Variants in NEK6 observed in about 807,000 individuals in gnomAD.
NEK6 encodes serine/threonine-protein kinase Nek6.
NEK6 carries 27 observed loss-of-function variants against 43.5 expected under a neutral mutation model. The observed-to-expected ratio is 0.62, with a 90% CI of 0.46 to 0.86. The LOEUF is 0.86. Ranked by LOEUF, NEK6 falls within the 40% of genes least tolerant of loss-of-function variation. The pLI is 0.00. For missense variants in NEK6, 318 were observed against 414.4 expected (o/e 0.77, Z 2.02); for synonymous variants, 167 against 164.1 (o/e 1.02, Z -0.14).
At chr9:124,350,724 G>A (rs903187450) in intron 9 of NEK6, 113 bp from the exon 10 acceptor site, 14 of 760,676 alleles carry the variant, frequency 1.8e-5, no homozygotes, top group Admixed American at 6.0e-5. Context: ...CGGGGACAAC[G>A]GGACCATCTA....
intron 7 of NEK6, among the ~76,000 whole-genome samples, chr9:124,332,083 G>A (rs1385517061): frequency 2.0e-5 from 3 of 152,244 alleles, no homozygotes; most frequent in African/African-American, 2.4e-5. Context: ...GATGCCAAGA[G>A]GGGAGGGAAG....
chr9:124,259,253 G>T (rs2282084), intron 1 of NEK6: 2 of 152,024 alleles, frequency 1.3e-5, no homozygotes, highest in Non-Finnish European at 2.9e-5. Flanking sequence ...TCCCTAGTTG[G>T]TCTGACTTTT....
intron 1 of NEK6, among the ~76,000 whole-genome samples, chr9:124,267,547 G>A (rs781294577): frequency 3.9e-5 from 6 of 152,250 alleles, no homozygotes; most frequent in South Asian, 2.1e-4. Flanking sequence ...CTGTGCAGAC[G>A]CTGGGACAAG....
intron 2 of NEK6, among the ~76,000 whole-genome samples, chr9:124,304,281 T>C (rs765146817): frequency 1.4e-4 from 22 of 152,346 alleles, no homozygotes; most frequent in Non-Finnish European, 2.1e-4. Context: ...TAGAAGCACC[T>C]GGAATTAATG....
rs994834338 is a variant in NEK6 at position 124,324,106 on chromosome 9, C to T, written c.406-2224C>T. 1.2e-4 allele frequency among the ~76,000 whole-genome samples: 19 copies of T among 152,192 alleles called. No homozygotes were observed. The highest frequency in any genetic ancestry group is 2.1e-4 in the South Asian group (1 of 4,832). On this transcript the variant is annotated intron_variant, in intron 5 of 9. Coordinates refer to ENST00000320246, the MANE Select transcript of NEK6 (RefSeq NM_014397.6). This position sits in a 1 kb window ranked among gnomAD's most constrained non-coding sequence, Gnocchi z 5.3. ...GGGGCCCTCACCTGCAGAGCTGGCT[C>T]GGTGCAGCCGCCAGCAGGGGAGGCC... is the stretch of plus-strand genomic sequence containing the variant.
At chr9:124,311,869 TA>T (rs1833543653) in intron 2 of NEK6, among the ~76,000 whole-genome samples, 1 of 152,230 alleles carries the variant, frequency 6.6e-6, no homozygotes, top group Non-Finnish European at 1.5e-5. Context: ...TTTATATTTT[TA>T]GTGGAGACAG....
At chr9:124,313,460 C>T (rs1260988329) in intron 3 of NEK6, among the ~76,000 whole-genome samples, 1 of 152,056 alleles carries the variant, frequency 6.6e-6, no homozygotes, top group South Asian at 2.1e-4. Context: ...CTCTGCCTCC[C>T]GGGTTCAAGC....
intron 2 of NEK6, among the ~76,000 whole-genome samples, chr9:124,303,234 T>C (rs933137039): frequency 1.3e-5 from 2 of 152,200 alleles, no homozygotes; most frequent in Non-Finnish European, 2.9e-5. Flanking sequence ...TGGTGTTGGC[T>C]TTTTCTCCAA....
intron 2 of NEK6, among the ~76,000 whole-genome samples, chr9:124,309,199 C>T (rs1833413804): frequency 6.6e-6 from 1 of 152,202 alleles, no homozygotes; most frequent in African/African-American, 2.4e-5. Flanking sequence ...AGCACACGTG[C>T]TCCATCTAGG....
At chr9:124,312,115 C>T (rs1833557753) in intron 2 of NEK6, among the ~76,000 whole-genome samples, 3 of 152,348 alleles carry the variant, frequency 2.0e-5, no homozygotes, top group South Asian at 4.1e-4. Context: ...GATACATGAG[C>T]TGCACCCGGC....
At chr9:124,330,262 A>G (rs958225386) in intron 7 of NEK6, among the ~76,000 whole-genome samples, 1 of 152,266 alleles carries the variant, frequency 6.6e-6, no homozygotes. Flanking sequence ...GCAGCAGATC[A>G]TATTTGTCAG....
intron 7 of NEK6, 144 bp from the exon 8 acceptor site, chr9:124,339,427 A>G: frequency 2.9e-6 from 2 of 688,408 alleles, no homozygotes; most frequent in South Asian, 3.2e-5. Context: ...AGGAAGGCCC[A>G]GGCCCAGAGA....
rs1365828559 is a variant in NEK6 at position 124,352,107 on chromosome 9, C to A, written c.*1160C>A. ...AGAAAACTCCACCTCTGAAGGAAAT[C>A]ATTTGAATTTTGTTTTTGTACGTAA... On this transcript the variant is annotated 3_prime_UTR_variant, in exon 10 of 10. Coordinates refer to ENST00000320246, the MANE Select transcript of NEK6 (RefSeq NM_014397.6). 9 of 152,654 alleles carry A rather than the reference C, an allele frequency of 5.9e-5. No individual in the cohort carries two copies. Among genetic ancestry groups the A allele is most frequent in the African/African-American group, 1.9e-4 (8 of 41,458 alleles). The allele number at this position is 152,654 out of a possible 1,614,324, so 9.5% of individuals were successfully genotyped here.
At position 124,292,125 on chromosome 9, in the gene NEK6, G is replaced by T. The variant is rs139833411; in HGVS notation, c.-29-9811G>T. 3 of 1,105,234 alleles carry T rather than the reference G, an allele frequency of 2.7e-6. No homozygotes were observed. In the Admixed American group the frequency reaches 1.4e-4, roughly 52 times the overall value. 68.5% of individuals were successfully genotyped at this position (1,105,234 alleles called of 1,614,324 possible). A position where few individuals can be genotyped will look rare whatever the true frequency, so the allele number is the denominator to read the frequency against. On this transcript the variant is annotated intron_variant, in intron 1 of 9. Coordinates refer to ENST00000320246, the MANE Select transcript of NEK6 (RefSeq NM_014397.6). ...TTCTCTGCCTCCTGCTGTGGGAACC[G>T]CTTGCTCTTAGGGGTGTGTCCAGCG...
chr9:124,341,771 G>T (rs1349857455), intron 8 of NEK6, among the ~76,000 whole-genome samples: 1 of 152,146 alleles, frequency 6.6e-6, no homozygotes, highest in African/African-American at 2.4e-5. Context: ...ATGTAGGAGA[G>T]AATTTGGAGG....
At chr9:124,266,857 G>A (rs1831250156) in intron 1 of NEK6, among the ~76,000 whole-genome samples, 1 of 152,202 alleles carries the variant, frequency 6.6e-6, no homozygotes, top group Admixed American at 6.5e-5. Flanking sequence ...AGCTGAGCTG[G>A]CCCTTCCCTG....
rs948229531 is a variant in NEK6, at chr9:124,310,609, C to CT, written c.91-1892dup. Among the ~76,000 whole-genome samples the CT allele has an allele frequency of 3.9e-5, 6 of 152,098 alleles. No individual in the cohort carries two copies. The East Asian group carries it at 5.8e-4, about 15-fold the overall frequency. On this transcript the variant is annotated intron_variant, in intron 2 of 9. Transcript: ENST00000320246. ...CAGCCAAATCTGGAAGAGACATTTT[C>CT]TTTTTTTTGAGATGGAGTCTCACCG...
At chr9:124,339,292 G>C (rs1343031526) in intron 7 of NEK6, among the ~76,000 whole-genome samples, 2 of 151,964 alleles carry the variant, frequency 1.3e-5, no homozygotes, top group Non-Finnish European at 2.9e-5. Context: ...ATGGCGCCCA[G>C]CCTCCCAGCC....
Position 124,327,451 on chromosome 9 carries a change from G to C in NEK6, c.622+6G>C. Reference sequence around the variant, plus strand: ...CACCGCAGCCCACTCCCTAGGTAAGGGGGACCTGTCTGTGCCCCAGCAGCC... The same window carrying C: ...CACCGCAGCCCACTCCCTAGGTAAGCGGGACCTGTCTGTGCCCCAGCAGCC... On this transcript the variant is annotated splice_donor_region_variant and intron_variant, in intron 7 of 9. Coordinates refer to ENST00000320246, the MANE Select transcript of NEK6 (RefSeq NM_014397.6). 4.3e-6 allele frequency: 7 copies of C among 1,609,700 alleles called. No individual in the cohort carries two copies. The highest frequency in any genetic ancestry group is 5.9e-6 in the Non-Finnish European group (7 of 1,177,852).
Sources: allele counts gnomAD v4.1 joint callset (sites outside exome capture counted in the v4.1 genomes callset), GRCh38; gene constraint gnomAD v4.1.1; non-coding constraint Gnocchi (gnomAD v3.1); transcripts MANE v1.5; gene names NCBI Gene and HGNC (gene_info 2026-07-23, HGNC 2026-07-21).